The following PCDHA13 variants were observed in gnomAD, a reference collection of about 807,000 sequenced individuals.
PCDHA13 encodes the protein protocadherin alpha-13.
In PCDHA13, 54 loss-of-function variants were observed where a neutral mutation model predicts 64.8. The ratio of observed to expected loss-of-function variants is 0.83; its 90% CI spans 0.67 to 1.04. The LOEUF (loss-of-function observed/expected upper bound fraction) is 1.04, where lower values mean the gene tolerates loss of function less well. Ranked by LOEUF, PCDHA13 falls within the 50% of genes least tolerant of loss-of-function variation. The pLI is 0.00. For synonymous variants in PCDHA13, 587 were observed against 564.4 expected (o/e 1.04, Z -0.57); for missense variants, 1,248 against 1,254.3 (o/e 0.99, Z 0.08).
chr5:140,926,609 G>T, intron 1 of PCDHA13: 1 of 350,856 alleles, frequency 2.9e-6, no homozygotes, highest in Non-Finnish European at 5.0e-6. Flanking sequence ...CCTCGTCTCT[G>T]CACCCCTAGG....
At position 140,884,468 on chromosome 5, in the gene PCDHA13, C is replaced by T. The variant is rs925441051; in HGVS notation, c.2200C>T (p.Pro734Ser). The change falls in exon 1 of 4, where the codon CCG (proline) becomes TCG (serine). Residue 734 changes from proline (P) to serine (S), a missense_variant. Pro to Ser is a moderately conservative substitution (Grantham distance 74, BLOSUM62 -1). Transcript: ENST00000289272. ...ACCGCCCACCGAGGGCGCGTGCGCGCCGGGCAAGCCCACTCTAGTGTGCTC... is the reference window on the plus strand; with the variant it reads ...ACCGCCCACCGAGGGCGCGTGCGCGTCGGGCAAGCCCACTCTAGTGTGCTC... ...SAPPTEGACA[P>S]GKPTLVCSSA... The T allele has an allele frequency of 2.5e-6, 4 of 1,613,762 alleles. No homozygotes were observed. Among genetic ancestry groups the T allele is most frequent in the Non-Finnish European group, 3.4e-6 (4 of 1,179,822 alleles).
chr5:140,928,426 T>G (rs1563104997), intron 1 of PCDHA13: 2 of 1,614,134 alleles, frequency 1.2e-6, no homozygotes, highest in Non-Finnish European at 1.7e-6. Context: ...TGCCAAAACT[T>G]CCTTTGACTT....
intron 1 of PCDHA13, among the ~76,000 whole-genome samples, chr5:140,921,714 C>T (rs942328848): frequency 2.0e-5 from 3 of 152,046 alleles, no homozygotes; most frequent in South Asian, 2.1e-4. Context: ...AGTAAACACA[C>T]GAATTACTCC....
At chr5:141,006,995 A>C (rs1277177404) in intron 3 of PCDHA13, among the ~76,000 whole-genome samples, 1 of 152,208 alleles carries the variant, frequency 6.6e-6, no homozygotes, top group Non-Finnish European at 1.5e-5. Flanking sequence ...TTAAAATATA[A>C]GTCTGCATCT....
chr5:141,006,180 A>C (rs1554260594), intron 3 of PCDHA13, among the ~76,000 whole-genome samples: 5 of 150,546 alleles, frequency 3.3e-5, no homozygotes, highest in Non-Finnish European at 7.4e-5. Context: ...TTTTTAAAAG[A>C]GTTTGCTATA....
At chr5:140,953,810 C>T (rs918101590) in intron 1 of PCDHA13, among the ~76,000 whole-genome samples, 5 of 152,190 alleles carry the variant, frequency 3.3e-5, no homozygotes, top group South Asian at 2.1e-4. Context: ...TTCTGAGGTG[C>T]ATGTGCTAGT....
intron 1 of PCDHA13, among the ~76,000 whole-genome samples, chr5:140,906,476 G>A (rs1284528767): frequency 1.3e-5 from 2 of 152,192 alleles, no homozygotes; most frequent in African/African-American, 4.8e-5. Context: ...TAGTACAAAT[G>A]TATAAATGCA....
At chr5:140,931,373 C>T (rs1290408788) in intron 1 of PCDHA13, among the ~76,000 whole-genome samples, 1 of 151,646 alleles carries the variant, frequency 6.6e-6, no homozygotes, top group Non-Finnish European at 1.5e-5. Context: ...TTTCACTAGA[C>T]TAGAAAGGAA....
chr5:140,988,673 A>G (rs2153876025), intron 3 of PCDHA13, among the ~76,000 whole-genome samples: 1 of 152,344 alleles, frequency 6.6e-6, no homozygotes, highest in South Asian at 2.1e-4. Context: ...AGACTCTAAG[A>G]TAATTCTTTC....
intron 3 of PCDHA13, among the ~76,000 whole-genome samples, chr5:141,000,552 C>T (rs2097946627): frequency 1.3e-5 from 2 of 149,102 alleles, no homozygotes; most frequent in Admixed American, 1.3e-4. Context: ...CTCAAACTCC[C>T]GAGTAGCTGG....
At chr5:140,992,318 C>G (rs2097504992) in intron 3 of PCDHA13, among the ~76,000 whole-genome samples, 1 of 152,128 alleles carries the variant, frequency 6.6e-6, no homozygotes, top group African/African-American at 2.4e-5. Flanking sequence ...TGGGCATTCC[C>G]TTTTCTAAGA....
At chr5:140,966,973 G>T in intron 1 of PCDHA13, 1 of 1,603,054 alleles carries the variant, frequency 6.2e-7, no homozygotes. Flanking sequence ...GGCTTGAGCT[G>T]CGGCGCTTGG....
At chr5:140,979,820 T>A (rs937223402) in intron 2 of PCDHA13, among the ~76,000 whole-genome samples, 19 of 152,198 alleles carry the variant, frequency 1.2e-4, no homozygotes, top group African/African-American at 4.6e-4. Context: ...AGGATTTAAT[T>A]TTAAAGAAGA....
At chr5:140,942,600 T>A (rs943278532) in intron 1 of PCDHA13, among the ~76,000 whole-genome samples, 2 of 132,144 alleles carry the variant, frequency 1.5e-5, no homozygotes, top group African/African-American at 6.2e-5. Flanking sequence ...ATAATTATAG[T>A]GTTTATATTT....
At chr5:140,997,116 C>A (rs1554255739) in intron 3 of PCDHA13, among the ~76,000 whole-genome samples, 1 of 152,054 alleles carries the variant, frequency 6.6e-6, no homozygotes, top group Non-Finnish European at 1.5e-5. Context: ...CCTGCTCTCC[C>A]ACATACACAA....
At chr5:140,978,767 AC>A (rs1167493285) in intron 1 of PCDHA13, among the ~76,000 whole-genome samples, 181 bp from the exon 2 acceptor site, 4 of 152,342 alleles carry the variant, frequency 2.6e-5, no homozygotes, top group South Asian at 2.1e-4. Flanking sequence ...ACCCTGATGA[AC>A]TAATTTTCTT....
rs550398364 is a variant in PCDHA13, at chr5:140,897,290, G to A, written c.2394+12628G>A. Among the ~76,000 whole-genome samples the A allele has an allele frequency of 1.2e-4, 18 of 150,778 alleles. No homozygotes were observed. In the East Asian group the frequency reaches 1.4e-3, roughly 11 times the overall value. On this transcript the variant is annotated intron_variant, in intron 1 of 3. Coordinates refer to ENST00000289272, the MANE Select transcript of PCDHA13 (RefSeq NM_018904.3). ...GCTGGTGTGCTGCACCCATTAACTC[G>A]TCATTTAGCATTAGGTATATCTCCT...
At chr5:140,966,539 T>C in intron 1 of PCDHA13, 1 of 462,182 alleles carries the variant, frequency 2.2e-6, no homozygotes, top group South Asian at 5.8e-5. Flanking sequence ...GTTGAGCGAC[T>C]CGGAGGCGAG....
chr5:140,927,758 A>G (rs781942462), intron 1 of PCDHA13: 1 of 1,614,170 alleles, frequency 6.2e-7, no homozygotes, highest in Non-Finnish European at 8.5e-7. Flanking sequence ...GTGCACCCTA[A>G]AAGTGGGGAG....
Sources: allele counts gnomAD v4.1 joint callset (sites outside exome capture counted in the v4.1 genomes callset), GRCh38; gene constraint gnomAD v4.1.1; transcripts MANE v1.5; gene names NCBI Gene and HGNC (gene_info 2026-07-23, HGNC 2026-07-21).